GSK3B: variants seen among roughly 807,000 people sequenced by gnomAD.
GSK3B encodes the protein glycogen synthase kinase 3 beta.
Under a neutral mutation model 56.4 loss-of-function variants are expected in GSK3B, and 15 were observed. The observed-to-expected ratio is 0.27, with a 90% CI of 0.18 to 0.41. The LOEUF (loss-of-function observed/expected upper bound fraction) is 0.41, where lower values mean the gene tolerates loss of function less well. Among genes scored for constraint, GSK3B ranks in the 10% least tolerant of loss-of-function variants. The probability of loss-of-function intolerance (pLI) is 1.00; values close to 1 mark genes in which losing one functional copy is unlikely to be tolerated. For missense variants in GSK3B, 300 were observed against 513.4 expected, an observed-to-expected ratio of 0.58 and a Z score of 4.02; for synonymous variants, 181 against 188.9, an observed-to-expected ratio of 0.96 and a Z score of 0.34.
intron 1 of GSK3B, among the ~76,000 whole-genome samples, chr3:120,025,211 G>A (rs1333610327): frequency 6.6e-6 from 1 of 152,140 alleles, no homozygotes; most frequent in Admixed American, 6.5e-5. Context: ...GGGCATGGTG[G>A]TGGGTGCCTG....
rs756786679 is a variant in GSK3B, at chr3:119,826,597, A to G, written c.*191T>C. The G allele has an allele frequency of 1.5e-6, 1 of 681,378 alleles. No individual in the cohort carries two copies. Among genetic ancestry groups the G allele is most frequent in the Non-Finnish European group, 2.7e-6 (1 of 372,560 alleles). The allele number at this position is 681,378 out of a possible 1,614,324, so 42.2% of individuals were successfully genotyped here. A position where few individuals can be genotyped will look rare whatever the true frequency, so the allele number is the denominator to read the frequency against. Reference sequence around the variant, plus strand: ...GGATCTCCCTCAAAGTGAGAATACAATGAAATTGGTTTGTATTTATAGATA... The same window carrying G: ...GGATCTCCCTCAAAGTGAGAATACAGTGAAATTGGTTTGTATTTATAGATA... On this transcript the variant is annotated 3_prime_UTR_variant, in exon 11 of 11. Transcript: ENST00000264235.
At chr3:119,896,154 T>C (rs1032818420) in intron 7 of GSK3B, among the ~76,000 whole-genome samples, 2 of 149,580 alleles carry the variant, frequency 1.3e-5, no homozygotes, top group Non-Finnish European at 3.0e-5. Flanking sequence ...AAGTGGCTCC[T>C]CCAACTTTAT....
intron 6 of GSK3B, among the ~76,000 whole-genome samples, chr3:119,908,383 G>A (rs1173798701): frequency 1.3e-5 from 2 of 152,146 alleles, no homozygotes; most frequent in Non-Finnish European, 2.9e-5. Context: ...CCAAAGACAA[G>A]GGGCTGAAAT....
chr3:120,032,649 A>G (rs189755387), intron 1 of GSK3B, among the ~76,000 whole-genome samples: 1 of 152,270 alleles, frequency 6.6e-6, no homozygotes, highest in East Asian at 1.9e-4. Context: ...CCCCTTCTCT[A>G]AAAAATAAAA....
At chr3:120,057,830 A>T (rs896320924) in intron 1 of GSK3B, among the ~76,000 whole-genome samples, 2 of 152,052 alleles carry the variant, frequency 1.3e-5, no homozygotes, top group African/African-American at 4.8e-5. Flanking sequence ...TTACCCCAAA[A>T]CCATGAAAAC....
chr3:119,954,302 T>A (rs56125949), intron 2 of GSK3B, among the ~76,000 whole-genome samples: 1,328 of 96,480 alleles, frequency 0.014, 6 homozygotes, highest in Non-Finnish European at 0.019. Flanking sequence ...TAGAATAGAA[T>A]AGAAAAGAAA....
In GSK3B at chr3:119,826,169, T is replaced by C; in HGVS notation, c.*619A>G. On this transcript the variant is annotated 3_prime_UTR_variant, in exon 11 of 11. Coordinates refer to ENST00000264235, the MANE Select transcript of GSK3B (RefSeq NM_001146156.2). Reference sequence around the variant, plus strand: ...CTACTAAGAATCTTCCCTGTAGAGTTCCAAACTTTATTGACCTCCCTGGGT... The same window carrying C: ...CTACTAAGAATCTTCCCTGTAGAGTCCCAAACTTTATTGACCTCCCTGGGT... 1 of 258,844 alleles carries C rather than the reference T, an allele frequency of 3.9e-6. No individual in the cohort carries two copies. Among genetic ancestry groups the C allele is most frequent in the Non-Finnish European group, 7.4e-6 (1 of 134,854 alleles). 16.0% of individuals were successfully genotyped at this position (258,844 alleles called of 1,614,324 possible). A position where few individuals can be genotyped will look rare whatever the true frequency, so the allele number is the denominator to read the frequency against.
At chr3:119,985,674 G>A (rs148927146) in intron 2 of GSK3B, among the ~76,000 whole-genome samples, 7,047 of 152,136 alleles carry the variant, frequency 0.046, 242 homozygotes, top group Non-Finnish European at 0.075. Flanking sequence ...ACTGCTCAAC[G>A]AAATAAAAGA....
intron 10 of GSK3B, among the ~76,000 whole-genome samples, chr3:119,839,605 A>G (rs1365264482): frequency 6.6e-6 from 1 of 152,208 alleles, no homozygotes; most frequent in East Asian, 1.9e-4. Context: ...ATCAGATGAT[A>G]ATTCAGTTAT....
intron 1 of GSK3B, among the ~76,000 whole-genome samples, chr3:120,019,436 ATAC>A (rs1459397099): frequency 6.6e-6 from 1 of 152,234 alleles, no homozygotes; most frequent in African/African-American, 2.4e-5. Context: ...TTTGCATGTT[ATAC>A]TCTACCCCTA....
intron 1 of GSK3B, among the ~76,000 whole-genome samples, chr3:120,052,073 C>G (rs1190611752): frequency 6.6e-6 from 1 of 152,152 alleles, no homozygotes; most frequent in Non-Finnish European, 1.5e-5. Context: ...AAATGTGCCT[C>G]TTCTTTATAA....
chr3:119,867,964 A>G (rs574891718), intron 8 of GSK3B, among the ~76,000 whole-genome samples: 5 of 152,158 alleles, frequency 3.3e-5, no homozygotes, highest in South Asian at 2.1e-4. Context: ...ATAAGACTCA[A>G]CTGGGCCAAC....
At chr3:119,936,865 G>A (rs916416185) in intron 3 of GSK3B, among the ~76,000 whole-genome samples, 1 of 151,774 alleles carries the variant, frequency 6.6e-6, no homozygotes, top group Non-Finnish European at 1.5e-5. Context: ...CAGATAACTT[G>A]AACAACACTA....
intron 2 of GSK3B, among the ~76,000 whole-genome samples, chr3:119,964,602 G>A (rs906489377): frequency 1.3e-5 from 2 of 152,158 alleles, no homozygotes; most frequent in African/African-American, 4.8e-5. Flanking sequence ...GGAGACAGGG[G>A]AGGAAGATAT....
At chr3:120,007,683 T>C (rs1248717702) in intron 1 of GSK3B, among the ~76,000 whole-genome samples, 4 of 152,158 alleles carry the variant, frequency 2.6e-5, no homozygotes, top group African/African-American at 7.2e-5. Flanking sequence ...ATTATCTCAA[T>C]AGATGCAGAA....
chr3:119,896,106 T>A (rs1398342469), intron 7 of GSK3B, among the ~76,000 whole-genome samples: 2 of 147,350 alleles, frequency 1.4e-5, no homozygotes, highest in Non-Finnish European at 3.0e-5. Context: ...CCAGCCTGGG[T>A]GACAGAGCGA....
rs779897228 is a variant in GSK3B, at chr3:120,002,147, C to G, written c.181G>C (p.Val61Leu). Residue 61 changes from valine (V) to leucine (L), a missense_variant, in exon 2 of 11, where the codon GTG becomes CTG. This residue lies in a region of GSK3B where 20 missense variants were observed against 59.1 expected (regional missense o/e 0.34). Coordinates refer to ENST00000264235, the MANE Select transcript of GSK3B (RefSeq NM_001146156.2). ...PQEVSYTDTK[V>L]IGNGSFGVVY... ...ACACCAAATGATCCATTTCCAATCA[C>G]TTTAGTGTCTGTATAGCTGACTTCT... is the stretch of plus-strand genomic sequence containing the variant. The G allele has an allele frequency of 6.2e-7, 1 of 1,612,270 alleles. No individual in the cohort carries two copies. Among genetic ancestry groups the G allele is most frequent in the Non-Finnish European group, 8.5e-7 (1 of 1,179,018 alleles).
intron 7 of GSK3B, among the ~76,000 whole-genome samples, chr3:119,881,944 T>C (rs2056383654): frequency 6.6e-6 from 1 of 152,194 alleles, no homozygotes; most frequent in Admixed American, 6.5e-5. Flanking sequence ...CCGCCATCCA[T>C]GTAATATATG....
intron 5 of GSK3B, 38 bp downstream of exon 5, chr3:119,916,006 G>A (rs1366836096): frequency 6.7e-7 from 1 of 1,481,740 alleles, no homozygotes; most frequent in Admixed American, 1.7e-5. Flanking sequence ...GGGGAGGAGG[G>A]GAAAAGGGAA....
Sources: allele counts gnomAD v4.1 joint callset (sites outside exome capture counted in the v4.1 genomes callset), GRCh38; gene constraint gnomAD v4.1.1; regional missense constraint gnomAD v4.1.1; transcripts MANE v1.5; gene names NCBI Gene and HGNC (gene_info 2026-07-23, HGNC 2026-07-21).